Variants in FNDC1 observed in about 807,000 individuals in gnomAD.
The protein encoded by FNDC1 is fibronectin type III domain-containing protein 1.
Under a neutral mutation model 168.0 loss-of-function variants are expected in FNDC1, and 96 were observed. The ratio of observed to expected loss-of-function variants is 0.57; its 90% CI spans 0.48 to 0.68. The LOEUF is 0.68. Among genes scored for constraint, FNDC1 ranks in the 30% least tolerant of loss-of-function variants. FNDC1 has a pLI of 0.00. For synonymous variants in FNDC1, 1,099 were observed against 1,025.9 expected, an observed-to-expected ratio of 1.07 and a Z score of -1.36; for missense variants, 2,587 against 2,482.1, an observed-to-expected ratio of 1.04 and a Z score of -0.90.
chr6:159,179,752 G>A (rs146580639), intron 1 of FNDC1, among the ~76,000 whole-genome samples: 9 of 152,336 alleles, frequency 5.9e-5, no homozygotes, highest in Non-Finnish European at 1.0e-4. Context: ...TATAGCCTCC[G>A]TGTCTAGAAT....
At chr6:159,216,121 C>T (rs572542668) in intron 5 of FNDC1, among the ~76,000 whole-genome samples, 85 of 152,208 alleles carry the variant, frequency 5.6e-4, no homozygotes, top group Non-Finnish European at 1.1e-3. Context: ...GCCACCACAC[C>T]CAGCTGATTT....
At chr6:159,248,809 T>G (rs933262762) in intron 15 of FNDC1, among the ~76,000 whole-genome samples, 13 of 152,178 alleles carry the variant, frequency 8.5e-5, no homozygotes, top group African/African-American at 2.7e-4. Context: ...TGCCCTTTCT[T>G]TCTTCTGTCT....
chr6:159,230,379 CA>C (rs1783055710), intron 10 of FNDC1, among the ~76,000 whole-genome samples: 1 of 152,018 alleles, frequency 6.6e-6, no homozygotes, highest in Non-Finnish European at 1.5e-5. Context: ...GTTTAGTTTG[CA>C]AAAGCAGAAA....
At position 159,221,631 on chromosome 6, in the gene FNDC1, C is replaced by T. The variant is rs541209872; in HGVS notation, c.701C>T (p.Ser234Phe). ...SESVYVVSLQ[S>F]MNSQGRSQPV... is the part of the protein sequence containing the mutation. ...TCCGTGTATGTGGTCTCCCTGCAGTCCATGAACTCTCAGGGCCGGAGCCAA... is the reference window on the plus strand; with the variant it reads ...TCCGTGTATGTGGTCTCCCTGCAGTTCATGAACTCTCAGGGCCGGAGCCAA... Residue 234 changes from serine (S) to phenylalanine (F), a missense_variant, in exon 6 of 23, where the codon TCC becomes TTC. By Grantham distance (155) the Ser-to-Phe change is radical. Transcript: ENST00000297267. The T allele has an allele frequency of 3.1e-6, 5 of 1,613,994 alleles. No individual in the cohort carries two copies. The East Asian group carries it at 8.9e-5, about 29-fold the overall frequency.
At chr6:159,237,539 C>A (rs979042671) in intron 12 of FNDC1, among the ~76,000 whole-genome samples, 2 of 152,188 alleles carry the variant, frequency 1.3e-5, no homozygotes, top group African/African-American at 4.8e-5. Context: ...TGCATGCATA[C>A]TATATTAGGC....
At chr6:159,260,839 G>A (rs1178373608) in intron 18 of FNDC1, among the ~76,000 whole-genome samples, 1 of 152,242 alleles carries the variant, frequency 6.6e-6, no homozygotes, top group Non-Finnish European at 1.5e-5. Flanking sequence ...CTGAGCAAGA[G>A]CAGGGCTAGA....
chr6:159,191,155 A>T (rs1782130505), intron 1 of FNDC1, among the ~76,000 whole-genome samples: 1 of 152,184 alleles, frequency 6.6e-6, no homozygotes, highest in African/African-American at 2.4e-5. Flanking sequence ...CACTAGGGGG[A>T]TAGTGCTAAA....
intron 11 of FNDC1, 52 bp from the exon 12 acceptor site, chr6:159,236,163 G>T (rs420339): frequency 0.88 from 1,186,576 of 1,352,508 alleles, 522,806 homozygotes; most frequent in Middle Eastern, 0.91. Flanking sequence ...CCAACTTCCC[G>T]GGCATGTTGA....
chr6:159,240,751 C>T (rs1213010259), intron 14 of FNDC1: 1 of 152,218 alleles, frequency 6.6e-6, no homozygotes. Flanking sequence ...ATATCTCCAT[C>T]TTTTCTGCTC....
Position 159,266,328 on chromosome 6 carries a change from G to A in FNDC1, c.5446+83G>A, listed in dbSNP as rs540593279. 4.7e-4 allele frequency: 680 copies of A among 1,437,684 alleles called. 1 individual carries two copies. Among genetic ancestry groups the A allele is most frequent in the South Asian group, 1.8e-3 (152 of 83,134 alleles). The allele number at this position is 1,437,684 out of a possible 1,614,324, so 89.1% of individuals were successfully genotyped here. A position where few individuals can be genotyped will look rare whatever the true frequency, so the allele number is the denominator to read the frequency against. The stretch of plus-strand genomic sequence containing the variant: ...ACAAACTTGGCACCACAGGTGCATC[G>A]GAATGTTTATGAGGGCTGGAGCTAC... On this transcript the variant is annotated intron_variant, in intron 21 of 22. Transcript: ENST00000297267.
At chr6:159,193,185 A>T (rs1305587566) in intron 1 of FNDC1, among the ~76,000 whole-genome samples, 2 of 152,110 alleles carry the variant, frequency 1.3e-5, no homozygotes, top group Non-Finnish European at 2.9e-5. Flanking sequence ...TTAATACACA[A>T]TTGGGAGTTT....
chr6:159,231,825 T>G (rs758402767), intron 10 of FNDC1, 57 bp from the exon 11 acceptor site: 4 of 1,454,748 alleles, frequency 2.7e-6, no homozygotes, highest in Non-Finnish European at 3.7e-6. Flanking sequence ...GTGTCTCACC[T>G]CCGCTTTCGC....
intron 1 of FNDC1, among the ~76,000 whole-genome samples, chr6:159,189,194 G>A (rs888603634): frequency 2.0e-5 from 3 of 152,152 alleles, no homozygotes; most frequent in African/African-American, 7.2e-5. Context: ...TAGGCAGGGG[G>A]CCAGCTGGCC....
At chr6:159,213,519 C>A (rs1168350810) in intron 4 of FNDC1, among the ~76,000 whole-genome samples, 1 of 152,088 alleles carries the variant, frequency 6.6e-6, no homozygotes, top group African/African-American at 2.4e-5. Context: ...ACACTGTGAC[C>A]CCCAGTATCA....
chr6:159,204,171 C>T (rs1428708273), intron 4 of FNDC1, among the ~76,000 whole-genome samples: 6 of 152,168 alleles, frequency 3.9e-5, no homozygotes, highest in East Asian at 1.9e-4. Flanking sequence ...CATTTCCAGA[C>T]GATGCTGCGT....
At chr6:159,200,694 G>T in intron 4 of FNDC1, 113 bp downstream of exon 4, 1 of 772,156 alleles carries the variant, frequency 1.3e-6, no homozygotes, top group Non-Finnish European at 2.1e-6. Context: ...AGTTCCCATC[G>T]CTAAACTAAC....
chr6:159,270,109 G>A (rs995909343), intron 22 of FNDC1, among the ~76,000 whole-genome samples: 1 of 152,146 alleles, frequency 6.6e-6, no homozygotes, highest in Non-Finnish European at 1.5e-5. Context: ...AGGACTGCTT[G>A]AGCTGGTGAG....
intron 1 of FNDC1, among the ~76,000 whole-genome samples, chr6:159,188,439 A>G (rs1782051825): frequency 6.7e-6 from 1 of 150,082 alleles, no homozygotes; most frequent in Admixed American, 6.7e-5. Context: ...CAGTGGCGCA[A>G]TCTTGGCTTA....
chr6:159,248,906 GGTGT>G (rs141634993), intron 15 of FNDC1, 129 bp from the exon 16 acceptor site: 561 of 578,164 alleles, frequency 9.7e-4, no homozygotes, highest in South Asian at 1.8e-3. Flanking sequence ...TTTATTTTAG[GGTGT>G]GTGTGTGTGT....
Sources: gnomAD v4.1 joint callset for allele counts (sites outside exome capture counted in the v4.1 genomes callset) on GRCh38, gnomAD v4.1.1 for gene constraint, MANE v1.5 for transcripts, NCBI Gene and HGNC (gene_info 2026-07-23, HGNC 2026-07-21) for gene names.